The following ETFA variants were observed in gnomAD, a reference collection of about 807,000 sequenced individuals.
ETFA encodes electron transfer flavoprotein subunit alpha, mitochondrial.
ETFA carries 22 observed loss-of-function variants against 46.2 expected under a neutral mutation model. The ratio of observed to expected loss-of-function variants is 0.48; its 90% CI spans 0.34 to 0.68. The LOEUF is 0.68. Ranked by LOEUF, ETFA falls within the 30% of genes least tolerant of loss-of-function variation. The pLI is 0.01. For synonymous variants in ETFA, 131 were observed against 139.9 expected, an observed-to-expected ratio of 0.94 and a Z score of 0.45; for missense variants, 345 against 401.1, an observed-to-expected ratio of 0.86 and a Z score of 1.19.
chr15:76,231,327 A>C lies in ETFA; in HGVS notation c.882+6T>G, dbSNP rs746311782. On this transcript the variant is annotated splice_donor_region_variant and intron_variant, in intron 10 of 11. Coordinates refer to ENST00000557943, the MANE Select transcript of ETFA (RefSeq NM_000126.4). ...TTTTCTTTTAACATCACTGATGTAC[A>C]ATTACCTTGCTGTCTTTCATCCCAG... 4 of 1,573,410 alleles carry C rather than the reference A, an allele frequency of 2.5e-6. No homozygotes were observed. Among genetic ancestry groups the C allele is most frequent in the East Asian group, 2.2e-5 (1 of 44,658 alleles).
intron 10 of ETFA, chr15:76,228,653 A>G (rs1175433165): frequency 6.5e-6 from 1 of 153,338 alleles, no homozygotes; most frequent in Non-Finnish European, 1.4e-5. Flanking sequence ...TCTTGCTTGT[A>G]TCCAAAGCTC....
At chr15:76,261,167 C>G (rs573501776) in intron 9 of ETFA, 1 of 1,532,490 alleles carries the variant, frequency 6.5e-7, no homozygotes, top group African/African-American at 1.4e-5. Context: ...GCAGGTCCCC[C>G]GATCTTCGTA....
chr15:76,270,938 G>C (rs1338046360), intron 9 of ETFA, among the ~76,000 whole-genome samples: 2 of 152,186 alleles, frequency 1.3e-5, no homozygotes, highest in Non-Finnish European at 2.9e-5. Context: ...GGGAGACCAA[G>C]GTGGGCGGAT....
chr15:76,295,936 C>CCTTTTTTTTTTTTTTTTT (rs2039816100), intron 1 of ETFA, among the ~76,000 whole-genome samples, 199 bp from the exon 2 acceptor site: 7 of 46,602 alleles, frequency 1.5e-4, no homozygotes, highest in African/African-American at 4.0e-4. Flanking sequence ...CACTAATATT[C>CCTTTTTTTTTTTTTTTTT]TTTTTTTTTT....
Position 76,291,622 on chromosome 15 carries a change from C to A in ETFA, c.351+809G>T, listed in dbSNP as rs182054147. Among the ~76,000 whole-genome samples, 145 of 151,556 alleles carry A rather than the reference C, an allele frequency of 9.6e-4. 1 individual carries two copies. The highest frequency in any genetic ancestry group is 3.4e-3 in the African/African-American group (142 of 41,280). ...AAAATTAGCCGGGCGAGCTGGCGGG[C>A]GCCTGTAGTCCCAGCTACTCGGGAG... On this transcript the variant is annotated intron_variant, in intron 4 of 11. Transcript: ENST00000557943.
At chr15:76,218,377 C>T (rs1290000445) in intron 11 of ETFA, among the ~76,000 whole-genome samples, 4 of 152,170 alleles carry the variant, frequency 2.6e-5, no homozygotes, top group Non-Finnish European at 5.9e-5. Flanking sequence ...AAGCAATTCT[C>T]CTGCCTCAGC....
chr15:76,300,913 G>A (rs536914375), intron 1 of ETFA, among the ~76,000 whole-genome samples: 2 of 152,134 alleles, frequency 1.3e-5, no homozygotes, highest in East Asian at 1.9e-4. Flanking sequence ...TCATCCTTAG[G>A]TTTTCTGCTG....
Position 76,260,266 on chromosome 15 carries a change from G to A in ETFA, c.816+14146C>T, listed in dbSNP as rs908816. 5.9e-5 allele frequency: 69 copies of A among 1,171,184 alleles called. No homozygotes were observed. In the African/African-American group the frequency reaches 6.0e-4, roughly 10 times the overall value. 72.5% of individuals were successfully genotyped at this position (1,171,184 alleles called of 1,614,324 possible). A position where few individuals can be genotyped will look rare whatever the true frequency, so the allele number is the denominator to read the frequency against. On this transcript the variant is annotated intron_variant, in intron 9 of 11. Coordinates refer to ENST00000557943, the MANE Select transcript of ETFA (RefSeq NM_000126.4). Reference sequence around the variant, plus strand: ...TTGGGCCTTTCTTGATTGAAGGACCGGGCTGCCCAGAAGTGAATGGCTGGC... The same window carrying A: ...TTGGGCCTTTCTTGATTGAAGGACCAGGCTGCCCAGAAGTGAATGGCTGGC...
chr15:76,249,332 T>C (rs1211797129), intron 9 of ETFA, among the ~76,000 whole-genome samples: 1 of 151,996 alleles, frequency 6.6e-6, no homozygotes, highest in African/African-American at 2.4e-5. Context: ...TTCTCCGTGT[T>C]GGTCAGGCTG....
At chr15:76,296,604 ACAG>A (rs1401587960) in intron 1 of ETFA, among the ~76,000 whole-genome samples, 1 of 152,244 alleles carries the variant, frequency 6.6e-6, no homozygotes, top group Non-Finnish European at 1.5e-5. Flanking sequence ...ATGACACTAA[ACAG>A]CAGTTTTGCC....
chr15:76,246,782 G>A (rs1172974419), intron 9 of ETFA, among the ~76,000 whole-genome samples: 4 of 151,508 alleles, frequency 2.6e-5, no homozygotes, highest in Admixed American at 6.6e-5. Flanking sequence ...GCAGTGAGCC[G>A]AGATCATGCC....
intron 8 of ETFA, among the ~76,000 whole-genome samples, chr15:76,280,989 C>T (rs1341047748): frequency 1.4e-5 from 2 of 144,042 alleles, no homozygotes; most frequent in African/African-American, 5.1e-5. Flanking sequence ...AATCTTAGCT[C>T]ACTGCAACCT....
At chr15:76,265,593 T>G (rs79171859) in intron 9 of ETFA, among the ~76,000 whole-genome samples, 2 of 152,214 alleles carry the variant, frequency 1.3e-5, no homozygotes, top group Non-Finnish European at 2.9e-5. Flanking sequence ...ACGGGTATCG[T>G]TGGCGTAGGG....
At chr15:76,229,751 T>C (rs2039045343) in intron 10 of ETFA, among the ~76,000 whole-genome samples, 2 of 152,336 alleles carry the variant, frequency 1.3e-5, no homozygotes, top group South Asian at 2.1e-4. Flanking sequence ...AAAGAGGTAG[T>C]GCATGCATTT....
chr15:76,284,936 GA>G (rs937742184), intron 7 of ETFA: 4 of 397,438 alleles, frequency 1.0e-5, no homozygotes, highest in African/African-American at 6.6e-5. Context: ...ATCTCAAAAA[GA>G]AAAAAAGAAA....
intron 8 of ETFA, among the ~76,000 whole-genome samples, chr15:76,280,917 C>CTT (rs35907442): frequency 0.21 from 21,351 of 101,980 alleles, 4,313 homozygotes; most frequent in African/African-American, 0.45. Context: ...GTTCAGATGT[C>CTT]TTTTTTTTTT....
intron 9 of ETFA, among the ~76,000 whole-genome samples, chr15:76,243,241 G>A (rs909833283): frequency 2.6e-5 from 4 of 151,566 alleles, no homozygotes; most frequent in Non-Finnish European, 5.9e-5. Flanking sequence ...ACTGCACTCC[G>A]GCCTGGGCAG....
intron 9 of ETFA, chr15:76,245,376 G>A (rs1415184953): frequency 1.3e-5 from 2 of 152,234 alleles, no homozygotes; most frequent in Admixed American, 1.3e-4. Context: ...TTCTCTTGGA[G>A]TTAAAAGCCA....
Position 76,254,316 on chromosome 15 carries a change from G to A in ETFA, c.816+20096C>T, listed in dbSNP as rs573476849. ...CCACTCAAAACTCTGGCTGACCCCC[G>A]CATTAGGCATGTATGAGGTGAGCTC... On this transcript the variant is annotated intron_variant, in intron 9 of 11. Transcript: ENST00000557943. 9.9e-5 allele frequency among the ~76,000 whole-genome samples: 15 copies of A among 152,250 alleles called. No homozygotes were observed. In the East Asian group the frequency reaches 1.2e-3, roughly 12 times the overall value.
Sources: allele counts gnomAD v4.1 joint callset (sites outside exome capture counted in the v4.1 genomes callset), GRCh38; gene constraint gnomAD v4.1.1; transcripts MANE v1.5; gene names NCBI Gene and HGNC (gene_info 2026-07-23, HGNC 2026-07-21).